Variants in LRCH1 observed in about 807,000 individuals in gnomAD.
LRCH1 encodes leucine rich repeats and calponin homology domain containing 1.
LRCH1 carries 23 observed loss-of-function variants against 94.9 expected under a neutral mutation model. That is an observed-to-expected ratio of 0.24 (90% CI 0.17 to 0.34). LRCH1 has a LOEUF of 0.34. Ranked by LOEUF, LRCH1 falls within the 10% of genes least tolerant of loss-of-function variation. The pLI, the probability that LRCH1 is intolerant of heterozygous loss-of-function variation, is 1.00. For missense variants in LRCH1, 790 were observed against 945.9 expected (o/e 0.84, Z 2.16); for synonymous variants, 364 against 354.9 (o/e 1.03, Z -0.29).
rs67588975 is a variant in LRCH1, at chr13:46,657,500, C to CTTTTTTTTT, written c.452+7189_452+7197dup. Reference sequence around the variant, plus strand: ...TCATTTTTACTTTTTCTTTTCTTTTCTTTTTTTTTTTTTTTTTTTTTTTTT... The same window carrying CTTTTTTTTT: ...TCATTTTTACTTTTTCTTTTCTTTTCTTTTTTTTTTTTTTTTTTTTTTTTTTTTTTTTTT... On this transcript the variant is annotated intron_variant, in intron 2 of 19. Coordinates refer to ENST00000389797, the MANE Select transcript of LRCH1 (RefSeq NM_001164211.2). 9.7e-4 allele frequency among the ~76,000 whole-genome samples: 11 copies of CTTTTTTTTT among 11,382 alleles called. 1 individual carries two copies. The highest frequency in any genetic ancestry group is 1.8e-3 in the Non-Finnish European group (11 of 6,134). The allele number at this position is 11,382 out of a possible 152,430, so 7.5% of individuals were successfully genotyped here. A position where few individuals can be genotyped will look rare whatever the true frequency, so the allele number is the denominator to read the frequency against.
At chr13:46,698,402 G>A (rs540785219) in intron 9 of LRCH1, among the ~76,000 whole-genome samples, 1 of 152,330 alleles carries the variant, frequency 6.6e-6, no homozygotes, top group African/African-American at 2.4e-5. Flanking sequence ...GCTCATGGTG[G>A]TACATGACTT....
At chr13:46,677,130 C>T (rs868196540) in intron 3 of LRCH1, among the ~76,000 whole-genome samples, 3 of 152,060 alleles carry the variant, frequency 2.0e-5, no homozygotes, top group Non-Finnish European at 4.4e-5. Flanking sequence ...TTCTAGTCAG[C>T]CGGGCACGGT....
downstream of LRCH1, among the ~76,000 whole-genome samples, chr13:46,747,884 C>T (rs1234474233): frequency 6.6e-6 from 1 of 152,008 alleles, no homozygotes; most frequent in Non-Finnish European, 1.5e-5. Context: ...ACCACAGGTG[C>T]ACACCACCAT....
At chr13:46,579,246 G>A (rs2050338450) in intron 1 of LRCH1, among the ~76,000 whole-genome samples, 1 of 152,144 alleles carries the variant, frequency 6.6e-6, no homozygotes, top group South Asian at 2.1e-4. Context: ...CTGGATTGCT[G>A]CCTGATGCGG....
intron 1 of LRCH1, among the ~76,000 whole-genome samples, chr13:46,575,551 G>C (rs2050295627): frequency 1.0e-5 from 1 of 95,618 alleles, no homozygotes; most frequent in Admixed American, 1.1e-4. Context: ...TGTGTTGTGG[G>C]GGGGATGTGG....
chr13:46,681,882 G>A, intron 4 of LRCH1, 36 bp downstream of exon 4: 2 of 1,335,906 alleles, frequency 1.5e-6, no homozygotes, highest in Middle Eastern at 1.8e-4. Flanking sequence ...GAAAATGGGA[G>A]ACTTGCATTA....
At chr13:46,609,048 C>T (rs2050718695) in intron 1 of LRCH1, among the ~76,000 whole-genome samples, 1 of 152,198 alleles carries the variant, frequency 6.6e-6, no homozygotes, top group Non-Finnish European at 1.5e-5. Flanking sequence ...AGCCTCCACC[C>T]AGGCATTTTC....
chr13:46,670,654 T>TCCC (rs10659453), intron 3 of LRCH1, among the ~76,000 whole-genome samples: 63,401 of 142,360 alleles, frequency 0.45, 13,890 homozygotes, highest in East Asian at 0.57. Flanking sequence ...ACACTGCCCA[T>TCCC]CCCCCCCCAA....
At chr13:46,733,657 T>C (rs1029323657) in intron 18 of LRCH1, among the ~76,000 whole-genome samples, 6 of 152,122 alleles carry the variant, frequency 3.9e-5, no homozygotes, top group Admixed American at 3.9e-4. Context: ...TCTATATATA[T>C]ATACATAGGC....
Position 46,694,844 on chromosome 13 carries a change from C to T in LRCH1, c.1121-49C>T, listed in dbSNP as rs944197544. On this transcript the variant is annotated intron_variant, in intron 8 of 19. Transcript: ENST00000389797. ...ATTTGAAGATCAGCTGTGTTTTGCT[C>T]TTCTGTTCATGAAATCATGCTTTCC... 3.1e-6 allele frequency: 5 copies of T among 1,605,056 alleles called. No individual in the cohort carries two copies. The African/African-American group carries it at 6.7e-5, about 22-fold the overall frequency.
chr13:46,733,906 T>C lies in LRCH1; in HGVS notation c.2008-15T>C, dbSNP rs757899453. On this transcript the variant is annotated splice_polypyrimidine_tract_variant and intron_variant, in intron 18 of 19. Coordinates refer to ENST00000389797, the MANE Select transcript of LRCH1 (RefSeq NM_001164211.2). ...TTTTAAATAATATATTATTTCCGTA[T>C]ATTTGCATTTATAGCCCAAACTTAG... The C allele has an allele frequency of 3.9e-6, 6 of 1,524,692 alleles. No homozygotes were observed. The highest frequency in any genetic ancestry group is 2.8e-5 in the African/African-American group (2 of 72,354). 94.4% of individuals were successfully genotyped at this position (1,524,692 alleles called of 1,614,324 possible). A position where few individuals can be genotyped will look rare whatever the true frequency, so the allele number is the denominator to read the frequency against.
intron 1 of LRCH1, among the ~76,000 whole-genome samples, chr13:46,555,357 G>C (rs1219446054): frequency 1.3e-5 from 2 of 152,168 alleles, no homozygotes; most frequent in South Asian, 2.1e-4. Flanking sequence ...AATAATAATA[G>C]GTTTGTGTAG....
intron 6 of LRCH1, 101 bp downstream of exon 6, chr13:46,688,080 T>TA: frequency 8.2e-7 from 1 of 1,222,534 alleles, no homozygotes; most frequent in Non-Finnish European, 1.1e-6. Flanking sequence ...GTCACCATGG[T>TA]ATCTGCAGAA....
chr13:46,726,609 G>A (rs1419236078), intron 17 of LRCH1, among the ~76,000 whole-genome samples: 1 of 151,992 alleles, frequency 6.6e-6, no homozygotes, highest in Non-Finnish European at 1.5e-5. Context: ...CCCTTGCTGG[G>A]GTGGTGTCAG....
intron 11 of LRCH1, among the ~76,000 whole-genome samples, chr13:46,703,040 C>T (rs77048157): frequency 5.3e-5 from 8 of 152,194 alleles, no homozygotes; most frequent in East Asian, 1.9e-4. Flanking sequence ...ATGTTTGGCT[C>T]GTGGCATAGG....
At position 46,743,805 on chromosome 13, in the gene LRCH1, T is replaced by C. The variant is rs1299610352; in HGVS notation, c.*1957T>C. On this transcript the variant is annotated 3_prime_UTR_variant, in exon 20 of 20. Transcript: ENST00000389797. ...CAATAAAAACTGAGTAGGACACTCA[T>C]GTAAGAGTAGATTTAATTTTCAGTG... 4.1e-6 allele frequency: 4 copies of C among 983,584 alleles called. No individual in the cohort carries two copies. The African/African-American group carries it at 7.0e-5, about 17-fold the overall frequency. 60.9% of individuals were successfully genotyped at this position (983,584 alleles called of 1,614,324 possible).
At chr13:46,686,794 C>G (rs1870637251) in intron 5 of LRCH1, among the ~76,000 whole-genome samples, 1 of 152,148 alleles carries the variant, frequency 6.6e-6, no homozygotes, top group Non-Finnish European at 1.5e-5. Context: ...TAAACAGTCA[C>G]AGTGAACCCT....
intron 1 of LRCH1, among the ~76,000 whole-genome samples, chr13:46,643,464 A>T (rs1210176110): frequency 6.6e-6 from 1 of 152,140 alleles, no homozygotes; most frequent in East Asian, 1.9e-4. Context: ...GAGGGACCAG[A>T]CGTTGTTTTA....
At chr13:46,653,691 C>T (rs867063193) in intron 2 of LRCH1, among the ~76,000 whole-genome samples, 24 of 151,726 alleles carry the variant, frequency 1.6e-4, no homozygotes, top group South Asian at 4.2e-4. Flanking sequence ...AGTAGCCGGG[C>T]GTGGTGGCGT....
Sources: allele counts gnomAD v4.1 joint callset (sites outside exome capture counted in the v4.1 genomes callset), GRCh38; gene constraint gnomAD v4.1.1; transcripts MANE v1.5; gene names NCBI Gene and HGNC (gene_info 2026-07-23, HGNC 2026-07-21).